The following MRPL47 variants were observed in gnomAD, a reference collection of about 807,000 sequenced individuals.
MRPL47 encodes large ribosomal subunit protein uL29m.
Under a neutral mutation model 34.0 loss-of-function variants are expected in MRPL47, and 31 were observed. That is an observed-to-expected ratio of 0.91 (90% CI 0.68 to 1.23). The LOEUF (loss-of-function observed/expected upper bound fraction) is 1.23. Among genes scored for constraint, MRPL47 ranks in the 50% most tolerant of loss-of-function variants. MRPL47 has a pLI of 0.00. For missense variants in MRPL47, 328 were observed against 285.8 expected (o/e 1.15, Z -1.07); for synonymous variants, 106 against 101.6 (o/e 1.04, Z -0.26).
At position 179,604,536 on chromosome 3, in the gene MRPL47, G is replaced by T. The variant is rs1182763809; in HGVS notation, c.89C>A (p.Ala30Asp). 1.2e-6 allele frequency: 2 copies of T among 1,613,794 alleles called. No homozygotes were observed. Among genetic ancestry groups the T allele is most frequent in the Admixed American group, 1.7e-5 (1 of 60,006 alleles). The stretch of plus-strand genomic sequence containing the variant: ...TTTATACATCACTTACCCTGTGCAG[G>T]CAGGGACCTGAGGAGTTATTAACGA... The part of the protein sequence containing the change: ...SRSLITPQVP[A>D]CTGFFLSLLP... Residue 30 changes from alanine (A) to aspartate (D), a missense_variant, in exon 1 of 7, where the codon GCC becomes GAC. Physicochemically the swap from Ala to Asp is moderately radical, Grantham distance 126. Coordinates refer to ENST00000476781, the MANE Select transcript of MRPL47 (RefSeq NM_020409.3).
At chr3:179,602,594 G>A (rs1487449471) in intron 2 of MRPL47, 58 bp downstream of exon 2, 23 of 743,400 alleles carry the variant, frequency 3.1e-5, no homozygotes, top group Admixed American at 8.7e-5. Flanking sequence ...ATGGTTGGGC[G>A]GGGCGGGGGG....
chr3:179,589,574 G>C (rs1560017081), intron 6 of MRPL47, among the ~76,000 whole-genome samples: 5 of 152,098 alleles, frequency 3.3e-5, no homozygotes, highest in Non-Finnish European at 1.5e-5. Context: ...TGCATACCAA[G>C]CTCTATTTGA....
chr3:179,602,734 T>A lies in MRPL47; in HGVS notation c.162A>T (p.Leu54Phe), dbSNP rs1560021017. 1 of 1,612,296 alleles carries A rather than the reference T, an allele frequency of 6.2e-7. No individual in the cohort carries two copies. The highest frequency in any genetic ancestry group is 2.2e-5 in the East Asian group (1 of 44,830). Residue 54 changes from leucine to phenylalanine, a missense_variant, in exon 2 of 7, where the codon TTA becomes TTT. Physicochemically the swap from Leu to Phe is conservative, Grantham distance 22. Transcript: ENST00000476781. ...CTTTCCTTGACAATGTGGTATGAAGTAATCTATATTGGTGAAAGGATGTCA... is the reference window on the plus strand; with the variant it reads ...CTTTCCTTGACAATGTGGTATGAAGAAATCTATATTGGTGAAAGGATGTCA... ...PNVTSFHQYR[L>F]LHTTLSRKGL...
At chr3:179,594,445 T>G (rs1429611482) in intron 4 of MRPL47, among the ~76,000 whole-genome samples, 1 of 152,146 alleles carries the variant, frequency 6.6e-6, no homozygotes, top group Non-Finnish European at 1.5e-5. Context: ...CTCTTTAAGA[T>G]TTCTATTGTT....
At chr3:179,598,797 G>C (rs1718855912) in intron 3 of MRPL47, 26 bp from the exon 4 acceptor site, 7 of 1,423,246 alleles carry the variant, frequency 4.9e-6, no homozygotes, top group Non-Finnish European at 6.9e-6. Context: ...CAAACCTTGT[G>C]ATGCTATTCT....
At chr3:179,602,900 AT>A in intron 1 of MRPL47, 103 bp from the exon 2 acceptor site, 1 of 995,490 alleles carries the variant, frequency 1.0e-6, no homozygotes. Flanking sequence ...CATCGATAAC[AT>A]TTTAAAAAGC....
intron 1 of MRPL47, among the ~76,000 whole-genome samples, 176 bp from the exon 2 acceptor site, chr3:179,602,973 T>C (rs1718964463): frequency 6.6e-6 from 1 of 152,108 alleles, no homozygotes; most frequent in Admixed American, 6.5e-5. Flanking sequence ...GGTCTCACTA[T>C]GTTGTCCAGG....
At chr3:179,604,446 T>TTCTCGGCA (rs964120358) in intron 1 of MRPL47, 81 bp downstream of exon 1, 27 of 1,387,200 alleles carry the variant, frequency 1.9e-5, no homozygotes, top group East Asian at 1.6e-4. Context: ...TCTTGAGTTG[T>TTCTCGGCA]TCTCGGCATC....
intron 1 of MRPL47, 92 bp downstream of exon 1, chr3:179,604,435 T>G: frequency 7.7e-7 from 1 of 1,298,656 alleles, no homozygotes; most frequent in Non-Finnish European, 1.1e-6. Flanking sequence ...GGCCGTTCCA[T>G]TCTTGAGTTG....
chr3:179,601,699 G>C (rs144478858), intron 3 of MRPL47, 31 bp downstream of exon 3: 2 of 1,351,930 alleles, frequency 1.5e-6, no homozygotes, highest in Non-Finnish European at 2.1e-6. Flanking sequence ...GGCTTCAAAC[G>C]TCTAGATGTT....
intron 3 of MRPL47, among the ~76,000 whole-genome samples, chr3:179,600,572 G>C (rs1279857088): frequency 6.6e-6 from 1 of 152,196 alleles, no homozygotes; most frequent in Non-Finnish European, 1.5e-5. Context: ...AACCTGGGAG[G>C]TGGAGGTTGC....
rs148003214 is a variant in MRPL47 at position 179,601,754 on chromosome 3, C to G, written c.281G>C (p.Ser94Thr). ...AWTCQQLRNK[S>T]NEDLHKLWYV... ...CCAAAGTTTGTGTAAATCTTCATTACTTTTGTTCCTTAGTTGCTGACAGGT... is the reference window on the plus strand; with the variant it reads ...CCAAAGTTTGTGTAAATCTTCATTAGTTTTGTTCCTTAGTTGCTGACAGGT... The change falls in exon 3 of 7, where the codon AGT (serine) becomes ACT (threonine). Residue 94 changes from serine (S) to threonine (T), a missense_variant. Coordinates refer to ENST00000476781, the MANE Select transcript of MRPL47 (RefSeq NM_020409.3). The G allele has an allele frequency of 4.4e-6, 7 of 1,608,132 alleles. No homozygotes were observed. The highest frequency in any genetic ancestry group is 6.0e-6 in the Non-Finnish European group (7 of 1,175,134).
At chr3:179,590,107 G>A (rs2879605) in intron 6 of MRPL47, among the ~76,000 whole-genome samples, 13,770 of 152,136 alleles carry the variant, frequency 0.091, 672 homozygotes, top group South Asian at 0.17. Flanking sequence ...TAGGGAGGCC[G>A]AGGTGAGAGG....
Position 179,593,853 on chromosome 3 carries a change from T to C in MRPL47, c.445A>G (p.Arg149Gly). 6.2e-7 allele frequency: 1 copy of C among 1,613,584 alleles called. No homozygotes were observed. The highest frequency in any genetic ancestry group is 1.7e-4 in the Middle Eastern group (1 of 6,056). The change falls in exon 5 of 7, where the codon AGA becomes GGA. Residue 149 changes from arginine to glycine, a missense_variant. Arg to Gly is a moderately radical substitution (Grantham distance 125, BLOSUM62 -2). Transcript: ENST00000476781. ...TGAAGAAGCCTTAGGGCATCTTCTC[T>C]TTCCTGGACAACTTTATCTAATGCA... The part of the protein sequence containing the change: ...MDALDKVVQE[R>G]EDALRLLQTG...
chr3:179,593,920 A>C (rs1419635622), intron 4 of MRPL47, 25 bp from the exon 5 acceptor site: 2 of 1,597,326 alleles, frequency 1.3e-6, no homozygotes. Context: ...GAAAGATACA[A>C]TTTCAACAAT....
chr3:179,589,226 C>G (rs1352707894), intron 6 of MRPL47, among the ~76,000 whole-genome samples: 2 of 152,274 alleles, frequency 1.3e-5, no homozygotes, highest in East Asian at 3.9e-4. Context: ...GAAAGAATGT[C>G]CAGATATTAT....
intron 4 of MRPL47, among the ~76,000 whole-genome samples, chr3:179,598,426 A>ACACACACACAC (rs1553779586): frequency 7.0e-6 from 1 of 142,330 alleles, no homozygotes; most frequent in Non-Finnish European, 1.5e-5. Context: ...ACACACACAC[A>ACACACACACAC]AACAAAAAAA....
At position 179,593,885 on chromosome 3, in the gene MRPL47, G is replaced by A. The variant is rs1199908505; in HGVS notation, c.413C>T (p.Ser138Phe). 27 of 1,611,398 alleles carry A rather than the reference G, an allele frequency of 1.7e-5. No individual in the cohort carries two copies. The highest frequency in any genetic ancestry group is 2.2e-5 in the Non-Finnish European group (26 of 1,178,876). ...GACAACTTTATCTAATGCATCCATG[G>A]AATCTACTACCTGAAAAGAGAATAG... ...SPERLDKVVDSMDALDKVVQE... is the reference protein window; with the variant it reads ...SPERLDKVVDFMDALDKVVQE... The change falls in exon 5 of 7, where the codon TCC (serine) becomes TTC (phenylalanine). Residue 138 changes from serine to phenylalanine, a missense_variant. Ser to Phe is a radical substitution (Grantham distance 155). Coordinates refer to ENST00000476781, the MANE Select transcript of MRPL47 (RefSeq NM_020409.3).
intron 5 of MRPL47, among the ~76,000 whole-genome samples, chr3:179,593,469 A>C (rs1718719937): frequency 1.3e-5 from 2 of 152,336 alleles, no homozygotes; most frequent in East Asian, 3.9e-4. Flanking sequence ...CCTAACTTTC[A>C]TCAAATTCTC....
Sources: gnomAD v4.1 joint callset for allele counts (sites outside exome capture counted in the v4.1 genomes callset) on GRCh38, gnomAD v4.1.1 for gene constraint, MANE v1.5 for transcripts, NCBI Gene and HGNC (gene_info 2026-07-23, HGNC 2026-07-21) for gene names.